The following LGSN variants were observed in gnomAD, a reference collection of about 807,000 sequenced individuals.
LGSN encodes lengsin, lens protein with glutamine synthetase domain.
A neutral mutation model predicts 19.5 loss-of-function variants in LGSN; 21 were observed. The ratio of observed to expected loss-of-function variants is 1.07; its 90% CI spans 0.76 to 1.55. The LOEUF (loss-of-function observed/expected upper bound fraction) is 1.55, where lower values mean the gene tolerates loss of function less well. Among genes scored for constraint, LGSN ranks in the 40% most tolerant of loss-of-function variants. The probability of loss-of-function intolerance (pLI) is 0.00; values close to 1 mark genes in which losing one functional copy is unlikely to be tolerated. For missense variants in LGSN, 673 were observed against 608.5 expected (o/e 1.11, Z -1.12); for synonymous variants, 257 against 215.6 (o/e 1.19, Z -1.68).
At chr6:63,298,131 G>A (rs1768050434) in intron 1 of LGSN, among the ~76,000 whole-genome samples, 3 of 152,164 alleles carry the variant, frequency 2.0e-5, no homozygotes, top group Admixed American at 2.0e-4. Flanking sequence ...GATGGCCTCA[G>A]AAGTGGGATT....
At chr6:63,319,010 C>A (rs1218026492) in intron 1 of LGSN, among the ~76,000 whole-genome samples, 1 of 152,202 alleles carries the variant, frequency 6.6e-6, no homozygotes, top group Non-Finnish European at 1.5e-5. Flanking sequence ...GGATAAGCCA[C>A]AGCTCCTCCT....
chr6:63,496,223 C>A, the LGSN span, among the ~76,000 whole-genome samples: 463 of 152,346 alleles, frequency 3.0e-3, 3 homozygotes, highest in African/African-American at 0.01. Context: ...CAGTGTCCAG[C>A]CCTCTTGTGT....
At chr6:63,529,084 C>T in the LGSN span, among the ~76,000 whole-genome samples, 6 of 139,554 alleles carry the variant, frequency 4.3e-5, no homozygotes, top group South Asian at 2.2e-4. Flanking sequence ...AGCGAAACTC[C>T]ATCTCAAAAT....
upstream of LGSN, among the ~76,000 whole-genome samples, chr6:63,324,697 T>TA (rs879466564): frequency 6.7e-6 from 1 of 149,314 alleles, no homozygotes; most frequent in African/African-American, 2.5e-5. Flanking sequence ...GAGAAGAAAA[T>TA]AAAAAAAAAT....
At chr6:63,401,068 C>T in the LGSN span, among the ~76,000 whole-genome samples, 1 of 151,812 alleles carries the variant, frequency 6.6e-6, no homozygotes, top group African/African-American at 2.4e-5. Flanking sequence ...ACTTTTATAC[C>T]AACCTGTCAT....
chr6:63,360,549 T>G, the LGSN span, among the ~76,000 whole-genome samples: 1 of 152,212 alleles, frequency 6.6e-6, no homozygotes, highest in Non-Finnish European at 1.5e-5. Flanking sequence ...GTTATTCTAG[T>G]TAGCCATTCA....
chr6:63,546,904 T>C, the LGSN span, among the ~76,000 whole-genome samples: 1 of 152,222 alleles, frequency 6.6e-6, no homozygotes, highest in Non-Finnish European at 1.5e-5. Context: ...TTTCGCAATG[T>C]GTAGTGTATA....
chr6:63,441,658 C>G, the LGSN span: 3 of 477,450 alleles, frequency 6.3e-6, no homozygotes, highest in Non-Finnish European at 8.1e-6. Flanking sequence ...AGAAAGAGTG[C>G]CAGAGAAAGG....
chr6:63,332,551 T>A, the LGSN span, among the ~76,000 whole-genome samples: 1 of 152,176 alleles, frequency 6.6e-6, no homozygotes, highest in African/African-American at 2.4e-5. Flanking sequence ...TCTAGGCAAA[T>A]CAACGGTCCC....
chr6:63,554,641 A>T, the LGSN span, among the ~76,000 whole-genome samples: 1 of 152,172 alleles, frequency 6.6e-6, no homozygotes, highest in Admixed American at 6.6e-5. Flanking sequence ...TACTAAAAAT[A>T]CAAAAATTAG....
the LGSN span, among the ~76,000 whole-genome samples, chr6:63,500,817 T>C: frequency 6.6e-6 from 1 of 152,222 alleles, no homozygotes; most frequent in South Asian, 2.1e-4. Context: ...AACCTCTGCT[T>C]CCTGGGCTCA....
chr6:63,401,228 G>A, the LGSN span, among the ~76,000 whole-genome samples: 2 of 149,084 alleles, frequency 1.3e-5, no homozygotes, highest in Non-Finnish European at 3.0e-5. Context: ...CCTAATCTCT[G>A]CCAAAAATTA....
At chr6:63,558,761 A>C in the LGSN span, among the ~76,000 whole-genome samples, 1 of 152,230 alleles carries the variant, frequency 6.6e-6, no homozygotes, top group African/African-American at 2.4e-5. Flanking sequence ...GAGAAAGAAT[A>C]GGAAATATTC....
chr6:63,406,217 AAT>A, the LGSN span, among the ~76,000 whole-genome samples: 1 of 152,178 alleles, frequency 6.6e-6, no homozygotes, highest in Non-Finnish European at 1.5e-5. Flanking sequence ...AAATCAACAG[AAT>A]ATACATTTTT....
At chr6:63,412,732 A>AGGG in the LGSN span, among the ~76,000 whole-genome samples, 1 of 53,786 alleles carries the variant, frequency 1.9e-5, no homozygotes, top group Non-Finnish European at 3.6e-5. Flanking sequence ...AGAAAGAAAG[A>AGGG]AAGAAAGAAA....
the LGSN span, among the ~76,000 whole-genome samples, chr6:63,428,222 ATGC>A: frequency 6.6e-6 from 1 of 152,196 alleles, no homozygotes; most frequent in Admixed American, 6.5e-5. Context: ...CCCTACTAAA[ATGC>A]TGCTTGTGTT....
At chr6:63,540,096 GGTATCCATCCCTAA>G in the LGSN span, among the ~76,000 whole-genome samples, 6 of 152,186 alleles carry the variant, frequency 3.9e-5, no homozygotes, top group East Asian at 1.2e-3. Flanking sequence ...TTAGCTCCTG[GGTATCCATCCCTAA>G]GACATTTTGA....
At chr6:63,428,821 C>T in the LGSN span, among the ~76,000 whole-genome samples, 6 of 152,082 alleles carry the variant, frequency 3.9e-5, no homozygotes, top group Admixed American at 3.9e-4. Context: ...AGTCAGGATC[C>T]CTGATGTTTC....
the LGSN span, among the ~76,000 whole-genome samples, chr6:63,367,744 T>C: frequency 6.7e-6 from 1 of 149,398 alleles, no homozygotes; most frequent in South Asian, 2.1e-4. Context: ...ATATACAGCA[T>C]GGAATACTAT....
Sources: gnomAD v4.1 joint callset for allele counts (sites outside exome capture counted in the v4.1 genomes callset) on GRCh38, gnomAD v4.1.1 for gene constraint, MANE v1.5 for transcripts, NCBI Gene and HGNC (gene_info 2026-07-23, HGNC 2026-07-21) for gene names.